Variants in PLCG2 observed in about 807,000 individuals in gnomAD.
The protein encoded by PLCG2 is phospholipase C gamma 2.
In PLCG2, 69 loss-of-function variants were observed where a neutral mutation model predicts 175.6. The observed-to-expected ratio is 0.39, with a 90% CI of 0.32 to 0.48. PLCG2 has a LOEUF of 0.48. PLCG2 is among the 20% of genes least tolerant of loss of function. PLCG2 has a pLI of 0.91. For synonymous variants in PLCG2, 827 were observed against 624.0 expected (o/e 1.33, Z -4.85); for missense variants, 1,798 against 1,650.9 (o/e 1.09, Z -1.54).
intron 7 of PLCG2, among the ~76,000 whole-genome samples, chr16:81,880,098 G>A (rs546116777): frequency 2.6e-5 from 4 of 152,230 alleles, no homozygotes; most frequent in South Asian, 4.1e-4. Flanking sequence ...AATATTAGCC[G>A]GGCATGGTGG....
chr16:81,765,614 G>C (rs1206657507), intron 2 of PLCG2, among the ~76,000 whole-genome samples: 22 of 152,374 alleles, frequency 1.4e-4, no homozygotes, highest in Admixed American at 6.5e-4. Flanking sequence ...CTGGATGACA[G>C]AGTGAGACTC....
intron 3 of PLCG2, among the ~76,000 whole-genome samples, chr16:81,856,161 ACT>A (rs1195827663): frequency 1.3e-5 from 2 of 152,200 alleles, no homozygotes; most frequent in Admixed American, 1.3e-4. Flanking sequence ...TCTGAGACAA[ACT>A]CAGCCCTTCA....
intron 13 of PLCG2, chr16:81,898,691 A>G (rs1369892929): frequency 2.0e-5 from 3 of 152,140 alleles, no homozygotes; most frequent in Non-Finnish European, 2.9e-5. Context: ...AACTCCATCT[A>G]TACAGTATAT....
At chr16:81,862,336 A>C (rs529161693) in intron 5 of PLCG2, among the ~76,000 whole-genome samples, 1 of 152,306 alleles carries the variant, frequency 6.6e-6, no homozygotes, top group East Asian at 1.9e-4. Context: ...AGCAGCGGGC[A>C]TTTGTTTACA....
intron 11 of PLCG2, among the ~76,000 whole-genome samples, chr16:81,892,798 C>G (rs754457691): frequency 1.3e-5 from 2 of 151,984 alleles, no homozygotes; most frequent in Non-Finnish European, 2.9e-5. Flanking sequence ...TTTTCCTGAT[C>G]CTGTCCCTCC....
intron 31 of PLCG2, among the ~76,000 whole-genome samples, chr16:81,949,294 G>A (rs1193799437): frequency 6.6e-6 from 1 of 152,212 alleles, no homozygotes; most frequent in Non-Finnish European, 1.5e-5. Context: ...GGTTGCAGGT[G>A]AGATGAATAG....
chr16:81,939,310 T>C (rs1910844241), intron 29 of PLCG2, among the ~76,000 whole-genome samples: 1 of 152,084 alleles, frequency 6.6e-6, no homozygotes, highest in African/African-American at 2.4e-5. Context: ...TCTTAGCCCC[T>C]AGAGGGCAGG....
chr16:81,958,511 G>C lies in PLCG2; in HGVS notation c.*513G>C, dbSNP rs927341573. The C allele has an allele frequency of 8.6e-6, 2 of 232,882 alleles. No individual in the cohort carries two copies. Among genetic ancestry groups the C allele is most frequent in the African/African-American group, 4.4e-5 (2 of 45,086 alleles). The allele number at this position is 232,882 out of a possible 1,614,324, so 14.4% of individuals were successfully genotyped here. ...GCCCTACCCACAGGCAGCCTGCTCA[G>C]TTCAATGTACTTTAACTACCACCGG... On this transcript the variant is annotated 3_prime_UTR_variant, in exon 33 of 33. Coordinates refer to ENST00000564138, the MANE Select transcript of PLCG2 (RefSeq NM_002661.5).
intron 1 of PLCG2, among the ~76,000 whole-genome samples, chr16:81,744,143 C>T (rs796243847): frequency 4.0e-5 from 6 of 151,596 alleles, no homozygotes; most frequent in African/African-American, 1.5e-4. Flanking sequence ...CAGGTGTGAG[C>T]CACCGTGCCC....
rs1052654243 is a variant in PLCG2, at chr16:81,831,826, G to A, written c.194-22618G>A. ...CTAGCTGTCTGCAACAGGAACTGCC[G>A]GGAGGCCACGCTAGCCATCCCCCAA... is the stretch of plus-strand genomic sequence containing the variant. On this transcript the variant is annotated intron_variant, in intron 2 of 32. Transcript: ENST00000564138. Among the ~76,000 whole-genome samples the A allele has an allele frequency of 8.5e-5, 13 of 152,274 alleles. No individual in the cohort carries two copies. In the East Asian group the frequency reaches 1.9e-3, roughly 23 times the overall value.
chr16:81,957,247 C>G (rs140364937), intron 32 of PLCG2, among the ~76,000 whole-genome samples: 3,722 of 151,794 alleles, frequency 0.025, 192 homozygotes, highest in East Asian at 0.14. Flanking sequence ...TGCAGTGAGC[C>G]GAGATCACAC....
chr16:81,787,448 C>G (rs1328961452), intron 2 of PLCG2, among the ~76,000 whole-genome samples: 1 of 128,324 alleles, frequency 7.8e-6, no homozygotes, highest in African/African-American at 3.0e-5. Context: ...GGCTTGTCTC[C>G]AATTCCTGTG....
intron 19 of PLCG2, among the ~76,000 whole-genome samples, chr16:81,916,602 G>C (rs115084540): frequency 4.0e-4 from 60 of 150,704 alleles, no homozygotes; most frequent in African/African-American, 1.4e-3. Flanking sequence ...TGTGTGGTGA[G>C]ACTTAAAGTC....
chr16:81,821,214 G>C (rs2143336139), intron 2 of PLCG2, among the ~76,000 whole-genome samples: 1 of 152,334 alleles, frequency 6.6e-6, no homozygotes, highest in Admixed American at 6.5e-5. Flanking sequence ...CGCTTTATCA[G>C]ATTGTTGTGG....
chr16:81,854,408 C>T, intron 2 of PLCG2, 36 bp from the exon 3 acceptor site: 2 of 1,607,056 alleles, frequency 1.2e-6, no homozygotes, highest in Non-Finnish European at 1.7e-6. Flanking sequence ...GGAGGGAACT[C>T]CAGCTTCTAA....
intron 2 of PLCG2, among the ~76,000 whole-genome samples, chr16:81,758,086 C>G (rs1475678004): frequency 6.6e-6 from 1 of 152,188 alleles, no homozygotes; most frequent in Non-Finnish European, 1.5e-5. Context: ...AGCGATCCTC[C>G]CACCTCAGCC....
At chr16:81,922,838 A>T (rs1438206689) in intron 21 of PLCG2, among the ~76,000 whole-genome samples, 1 of 152,240 alleles carries the variant, frequency 6.6e-6, no homozygotes, top group Non-Finnish European at 1.5e-5. Context: ...CATGAAAGCA[A>T]ATTCATTGAA....
chr16:81,743,377 G>A (rs761790155), intron 1 of PLCG2, among the ~76,000 whole-genome samples: 13 of 152,164 alleles, frequency 8.5e-5, no homozygotes, highest in African/African-American at 2.7e-4. Context: ...CAAAAGAACC[G>A]GTGTGCTCTG....
Position 81,817,229 on chromosome 16 carries a change from G to T in PLCG2, c.193+31047G>T, listed in dbSNP as rs377157246. Among the ~76,000 whole-genome samples the T allele has an allele frequency of 7.0e-4, 106 of 152,190 alleles. 2 individuals are homozygous for T. The South Asian group carries it at 0.019, about 28-fold the overall frequency. On this transcript the variant is annotated intron_variant, in intron 2 of 32. Coordinates refer to ENST00000564138, the MANE Select transcript of PLCG2 (RefSeq NM_002661.5). ...GGAGCTGATATTTAGGCCGAGATCC[G>T]ATGGGAAGAATCCTCTAGGTGGAGA...
Sources: gnomAD v4.1 joint callset for allele counts (sites outside exome capture counted in the v4.1 genomes callset) on GRCh38, gnomAD v4.1.1 for gene constraint, MANE v1.5 for transcripts, NCBI Gene and HGNC (gene_info 2026-07-23, HGNC 2026-07-21) for gene names.